The following ZNF639 variants were observed in gnomAD, a reference collection of about 807,000 sequenced individuals.
ZNF639 encodes the protein zinc finger protein 639.
Under a neutral mutation model 39.8 loss-of-function variants are expected in ZNF639, and 20 were observed. That is an observed-to-expected ratio of 0.50 (90% CI 0.35 to 0.73). The LOEUF (loss-of-function observed/expected upper bound fraction) is 0.73, where lower values mean the gene tolerates loss of function less well. Ranked by LOEUF, ZNF639 falls within the 30% of genes least tolerant of loss-of-function variation. ZNF639 has a pLI of 0.00. For missense variants in ZNF639, 477 were observed against 566.2 expected (o/e 0.84, Z 1.60); for synonymous variants, 176 against 189.8 (o/e 0.93, Z 0.60).
Position 179,334,167 on chromosome 3 carries a change from T to C in ZNF639, c.1203T>C (p.Phe401=), listed in dbSNP as rs758557569. Residue 401 remains phenylalanine, a synonymous_variant, in exon 6 of 6, where the codon TTT becomes TTC. Coordinates refer to ENST00000496856, the MANE Select transcript of ZNF639 (RefSeq NM_001303426.2). ...TTGCTATTGAACATACAAAAATTTTTCCTCATGTTTGTGATGACTGTGGGA... is the reference window on the plus strand; with the variant it reads ...TTGCTATTGAACATACAAAAATTTTCCCTCATGTTTGTGATGACTGTGGGA... ...RHVAIEHTKI[F]PHVCDDCGKG... is the part of the protein sequence containing the mutation. 3 of 1,614,154 alleles carry C rather than the reference T, an allele frequency of 1.9e-6. No homozygotes were observed. The highest frequency in any genetic ancestry group is 8.5e-7 in the Non-Finnish European group (1 of 1,180,006).
In ZNF639 at chr3:179,334,534, G is replaced by T; in HGVS notation, c.*112G>T. The T allele has an allele frequency of 2.6e-6, 2 of 771,450 alleles. No individual in the cohort carries two copies. The highest frequency in any genetic ancestry group is 3.7e-6 in the Non-Finnish European group (2 of 538,048). The allele number at this position is 771,450 out of a possible 1,614,324, so 47.8% of individuals were successfully genotyped here. ...AACTTATGAAATCTGCCTTTAACAA[G>T]TAACTTTTTTAAATTATAAAATTTT... On this transcript the variant is annotated 3_prime_UTR_variant, in exon 6 of 6. Coordinates refer to ENST00000496856, the MANE Select transcript of ZNF639 (RefSeq NM_001303426.2).
In ZNF639 at chr3:179,335,188, C is replaced by T. The variant is rs1166404374; in HGVS notation, c.*766C>T. The T allele has an allele frequency of 6.6e-6, 1 of 152,154 alleles. No homozygotes were observed. Among genetic ancestry groups the T allele is most frequent in the East Asian group, 1.9e-4 (1 of 5,198 alleles). The allele number at this position is 152,154 out of a possible 1,614,324, so 9.4% of individuals were successfully genotyped here. On this transcript the variant is annotated 3_prime_UTR_variant, in exon 6 of 6. Coordinates refer to ENST00000496856, the MANE Select transcript of ZNF639 (RefSeq NM_001303426.2). ...AGCTCCCGGGCTGTAGTCTCCCAGG[C>T]TCGAGCAATCCTCCCACTTCACCCT...
intron 1 of ZNF639, among the ~76,000 whole-genome samples, chr3:179,324,013 G>T (rs1206245928): frequency 6.6e-6 from 1 of 152,224 alleles, no homozygotes; most frequent in Non-Finnish European, 1.5e-5. Flanking sequence ...AGTAAAGACT[G>T]CCTCCACGTT....
At chr3:179,323,931 T>C (rs1181080398) in intron 1 of ZNF639, 1 of 152,254 alleles carries the variant, frequency 6.6e-6, no homozygotes, top group Non-Finnish European at 1.5e-5. Context: ...CTTTTTTGTT[T>C]TTTTCGAAGA....
Position 179,323,405 on chromosome 3 carries a change from C to A in ZNF639, c.-83+114C>A. 5.1e-6 allele frequency: 5 copies of A among 983,730 alleles called. No homozygotes were observed. In the South Asian group the frequency reaches 2.4e-4, roughly 46 times the overall value. The allele number at this position is 983,730 out of a possible 1,614,324, so 60.9% of individuals were successfully genotyped here. On this transcript the variant is annotated intron_variant, in intron 1 of 5. Coordinates refer to ENST00000496856, the MANE Select transcript of ZNF639 (RefSeq NM_001303426.2). ...GGGAGAGACCGGAGCTCCCTTTATA[C>A]GGAAACTCTGCCTTCGTTATATGGC...
Position 179,333,005 on chromosome 3 carries a change from C to T in ZNF639, c.186C>T (p.Thr62=), listed in dbSNP as rs368292359. 204 of 1,550,104 alleles carry T rather than the reference C, an allele frequency of 1.3e-4. 2 individuals carry two copies. The highest frequency in any genetic ancestry group is 2.4e-4 in the South Asian group (20 of 83,684). ...YFDNKDDDSD[T]ETSNDLPKFA... ...TTTTTACAGATGATGATTCTGATACCGAGACGTCAAATGACTTGCCAAAAT... is the reference window on the plus strand; with the variant it reads ...TTTTTACAGATGATGATTCTGATACTGAGACGTCAAATGACTTGCCAAAAT... Residue 62 remains threonine (T), a synonymous_variant, in exon 5 of 6, where the codon ACC becomes ACT. Transcript: ENST00000496856.
At position 179,329,605 on chromosome 3, in the gene ZNF639, A is replaced by G. The variant is rs772233753; in HGVS notation, c.59-13A>G. 1.6e-5 allele frequency: 24 copies of G among 1,505,648 alleles called. No homozygotes were observed. The highest frequency in any genetic ancestry group is 4.1e-5 in the African/African-American group (3 of 72,322). 93.3% of individuals were successfully genotyped at this position (1,505,648 alleles called of 1,614,324 possible). On this transcript the variant is annotated splice_polypyrimidine_tract_variant and intron_variant, in intron 3 of 5. Coordinates refer to ENST00000496856, the MANE Select transcript of ZNF639 (RefSeq NM_001303426.2). The stretch of plus-strand genomic sequence containing the variant: ...GTTTACTGTACTTGAAATATTTTTC[A>G]TTTTATGTTCAGATTCCTCTGGAAT...
rs573256344 is a variant in ZNF639, at chr3:179,328,829, G to A, written c.58+478G>A. On this transcript the variant is annotated intron_variant, in intron 3 of 5. Transcript: ENST00000496856. The stretch of plus-strand genomic sequence containing the variant: ...CTCACTCTCTAGCCCAGGCTGGAGT[G>A]CCATGGTGTGATGTCAGCTCACTGC... 2.5e-3 allele frequency among the ~76,000 whole-genome samples: 365 copies of A among 146,164 alleles called. 1 individual carries two copies. Among genetic ancestry groups the A allele is most frequent in the Non-Finnish European group, 4.0e-3 (271 of 67,380 alleles).
rs1042102130 is a variant in ZNF639, at chr3:179,338,547, G to A, written c.*4125G>A. 11 of 151,194 alleles carry A rather than the reference G, an allele frequency of 7.3e-5. No individual in the cohort carries two copies. Among genetic ancestry groups the A allele is most frequent in the African/African-American group, 2.4e-4 (10 of 41,102 alleles). The allele number at this position is 151,194 out of a possible 1,614,324, so 9.4% of individuals were successfully genotyped here. A position where few individuals can be genotyped will look rare whatever the true frequency, so the allele number is the denominator to read the frequency against. On this transcript the variant is annotated 3_prime_UTR_variant, in exon 6 of 6. Coordinates refer to ENST00000496856, the MANE Select transcript of ZNF639 (RefSeq NM_001303426.2). ...ACAGTCTTTTGTTTTTAATAGACTA[G>A]CACTATTCCTAATTATTAAATCTGA...
At position 179,334,337 on chromosome 3, in the gene ZNF639, T is replaced by TG; in HGVS notation, c.1374dup (p.Pro459AlafsTer3). On this transcript the variant is annotated frameshift_variant, in exon 6 of 6. Coordinates refer to ENST00000496856, the MANE Select transcript of ZNF639 (RefSeq NM_001303426.2). LOFTEE classifies it high-confidence loss of function. Reference sequence around the variant, plus strand: ...CTAGATTTCAAGCATTCAGCTGACTTGCCTCATAAATGTAGTGACTGCTTG... The same window carrying TG: ...CTAGATTTCAAGCATTCAGCTGACTTGGCCTCATAAATGTAGTGACTGCTTG... 1 of 1,612,200 alleles carries TG rather than the reference T, an allele frequency of 6.2e-7. No individual in the cohort carries two copies. The highest frequency in any genetic ancestry group is 8.5e-7 in the Non-Finnish European group (1 of 1,179,298).
In ZNF639 at chr3:179,336,272, A is replaced by G. The variant is rs1439141371; in HGVS notation, c.*1850A>G. On this transcript the variant is annotated 3_prime_UTR_variant, in exon 6 of 6. Transcript: ENST00000496856. ...ATTGAGTAGCAGAGTCTGAAACAGCACTATAAAGAAGATAGAATTATATGT... is the reference window on the plus strand; with the variant it reads ...ATTGAGTAGCAGAGTCTGAAACAGCGCTATAAAGAAGATAGAATTATATGT... The G allele has an allele frequency of 6.6e-6, 1 of 152,244 alleles. No homozygotes were observed. The highest frequency in any genetic ancestry group is 1.5e-5 in the Non-Finnish European group (1 of 68,048). The allele number at this position is 152,244 out of a possible 1,614,324, so 9.4% of individuals were successfully genotyped here.
At position 179,334,841 on chromosome 3, in the gene ZNF639, C is replaced by T. The variant is rs1728131734; in HGVS notation, c.*419C>T. The stretch of plus-strand genomic sequence containing the variant: ...ACGACCAGAACTAAAATGCAATATA[C>T]AGTTAAGTCCACGGATACTCCCATT... On this transcript the variant is annotated 3_prime_UTR_variant, in exon 6 of 6. Transcript: ENST00000496856. 1 of 152,438 alleles carries T rather than the reference C, an allele frequency of 6.6e-6. No individual in the cohort carries two copies. The highest frequency in any genetic ancestry group is 1.5e-5 in the Non-Finnish European group (1 of 68,348). The allele number at this position is 152,438 out of a possible 1,614,324, so 9.4% of individuals were successfully genotyped here.
intron 4 of ZNF639, among the ~76,000 whole-genome samples, chr3:179,331,588 C>T (rs1246228268): frequency 3.3e-5 from 5 of 151,828 alleles, no homozygotes; most frequent in Admixed American, 2.0e-4. Context: ...AGACCAGCCT[C>T]AACATGGAGA....
chr3:179,332,412 C>T (rs1727967655), intron 4 of ZNF639, among the ~76,000 whole-genome samples: 1 of 152,144 alleles, frequency 6.6e-6, no homozygotes, highest in Admixed American at 6.6e-5. Context: ...CGCTTGAGGC[C>T]AGGAGTTCAA....
At chr3:179,327,098 G>A (rs952502043) in intron 1 of ZNF639, among the ~76,000 whole-genome samples, 1 of 152,046 alleles carries the variant, frequency 6.6e-6, no homozygotes, top group Non-Finnish European at 1.5e-5. Flanking sequence ...GCTGAGGCAG[G>A]AGAATCGCTT....
Position 179,336,414 on chromosome 3 carries a change from G to A in ZNF639, c.*1992G>A, listed in dbSNP as rs1230359108. The stretch of plus-strand genomic sequence containing the variant: ...CCACTTCAAGAATTTAGTCTGTTTG[G>A]ACAATGGTGGCTGCAAGTATTCTTA... On this transcript the variant is annotated 3_prime_UTR_variant, in exon 6 of 6. Coordinates refer to ENST00000496856, the MANE Select transcript of ZNF639 (RefSeq NM_001303426.2). 6.6e-6 allele frequency: 1 copy of A among 152,168 alleles called. No homozygotes were observed. Among genetic ancestry groups the A allele is most frequent in the East Asian group, 1.9e-4 (1 of 5,200 alleles). 9.4% of individuals were successfully genotyped at this position (152,168 alleles called of 1,614,324 possible). A position where few individuals can be genotyped will look rare whatever the true frequency, so the allele number is the denominator to read the frequency against.
rs1711589914 is a variant in ZNF639, at chr3:179,337,734, A to G, written c.*3312A>G. The G allele has an allele frequency of 1.3e-5, 2 of 152,084 alleles. No homozygotes were observed. Among genetic ancestry groups the G allele is most frequent in the Admixed American group, 6.6e-5 (1 of 15,254 alleles). 9.4% of individuals were successfully genotyped at this position (152,084 alleles called of 1,614,324 possible). ...TCGCCTTGGCCCAGTTTTCAAATCA[A>G]TGATTGACCATAAATTGCTTGAAGT... is the stretch of plus-strand genomic sequence containing the variant. On this transcript the variant is annotated 3_prime_UTR_variant, in exon 6 of 6. Transcript: ENST00000496856.
chr3:179,326,845 C>T (rs1163750856), intron 1 of ZNF639, among the ~76,000 whole-genome samples: 3 of 151,374 alleles, frequency 2.0e-5, no homozygotes, highest in South Asian at 2.1e-4. Context: ...AGGCTGGTCT[C>T]GATCTTTTAT....
chr3:179,328,640 C>A, intron 3 of ZNF639, among the ~76,000 whole-genome samples: 1 of 152,110 alleles, frequency 6.6e-6, no homozygotes, highest in East Asian at 1.9e-4. Flanking sequence ...TTGGGATTTG[C>A]ATGTCTGATA....
Sources: gnomAD v4.1 joint callset for allele counts (sites outside exome capture counted in the v4.1 genomes callset) on GRCh38, gnomAD v4.1.1 for gene constraint, MANE v1.5 for transcripts, NCBI Gene and HGNC (gene_info 2026-07-23, HGNC 2026-07-21) for gene names.